PAK1: variants seen among roughly 807,000 people sequenced by gnomAD.
The protein encoded by PAK1 is p21 (RAC1) activated kinase 1, also known as serine/threonine-protein kinase PAK 1.
In PAK1, 29 loss-of-function variants were observed where a neutral mutation model predicts 67.4. The ratio of observed to expected loss-of-function variants is 0.43; its 90% CI spans 0.32 to 0.59. The LOEUF is 0.59. Ranked by LOEUF, PAK1 falls within the 20% of genes least tolerant of loss-of-function variation. PAK1 has a pLI of 0.07. For synonymous variants in PAK1, 223 were observed against 237.4 expected (o/e 0.94, Z 0.56); for missense variants, 337 against 670.7 (o/e 0.50, Z 5.50).
chr11:77,408,710 G>A (rs1592341225), intron 1 of PAK1, among the ~76,000 whole-genome samples: 1 of 152,212 alleles, frequency 6.6e-6, no homozygotes, highest in Middle Eastern at 3.4e-3. Flanking sequence ...CACAAAATGG[G>A]AGAAAATATT....
rs566874549 is a variant in PAK1, at chr11:77,429,056, T to TAAAAAAAAAAAAAAAAAAA, written c.-21-36534_-21-36516dup. Among the ~76,000 whole-genome samples, 28 of 48,992 alleles carry TAAAAAAAAAAAAAAAAAAA rather than the reference T, an allele frequency of 5.7e-4. 3 individuals carry two copies. Among genetic ancestry groups the TAAAAAAAAAAAAAAAAAAA allele is most frequent in the East Asian group, 2.5e-3 (3 of 1,206 alleles). 32.1% of individuals were successfully genotyped at this position (48,992 alleles called of 152,430 possible). On this transcript the variant is annotated intron_variant, in intron 1 of 14. Transcript: ENST00000356341. The stretch of plus-strand genomic sequence containing the variant: ...TTGGATTCTAAATGCCATTTAATAC[T>TAAAAAAAAAAAAAAAAAAA]AAAAAAAAAAAAAAAAAAAAAAAAA...
At chr11:77,336,421 T>C (rs1369061074) in intron 12 of PAK1, 139 bp from the exon 13 acceptor site, 2 of 540,792 alleles carry the variant, frequency 3.7e-6, no homozygotes, top group African/African-American at 1.9e-5. Context: ...CCAAAGTCAC[T>C]TGACTACCAC....
the PAK1 span, among the ~76,000 whole-genome samples, chr11:77,495,983 A>G: frequency 1.3e-5 from 2 of 152,020 alleles, no homozygotes; most frequent in African/African-American, 4.8e-5. Context: ...TAGTTGCACA[A>G]CAATGTGCAT....
chr11:77,476,544 G>A (rs928844889), upstream of PAK1: 2 of 152,234 alleles, frequency 1.3e-5, no homozygotes, highest in Non-Finnish European at 2.9e-5. Flanking sequence ...CCAGCTTTTG[G>A]GAGCAGACTG....
chr11:77,370,039 G>A (rs946215894), intron 5 of PAK1, among the ~76,000 whole-genome samples: 1 of 152,132 alleles, frequency 6.6e-6, no homozygotes, highest in Non-Finnish European at 1.5e-5. Context: ...TAGTTTTTCT[G>A]AAACTTATGT....
At chr11:77,438,500 T>C (rs993188857) in intron 1 of PAK1, among the ~76,000 whole-genome samples, 1 of 152,228 alleles carries the variant, frequency 6.6e-6, no homozygotes, top group African/African-American at 2.4e-5. Flanking sequence ...TGTTTGTGGA[T>C]GGAGCCCTTT....
the PAK1 span, among the ~76,000 whole-genome samples, chr11:77,481,470 G>C: frequency 6.6e-6 from 1 of 151,930 alleles, no homozygotes; most frequent in Middle Eastern, 3.4e-3. Context: ...AGGTCAATAG[G>C]TCGAGACCAT....
intron 14 of PAK1, among the ~76,000 whole-genome samples, chr11:77,324,881 T>C (rs952071163): frequency 1.3e-5 from 2 of 152,066 alleles, no homozygotes; most frequent in Non-Finnish European, 2.9e-5. Context: ...GGGACAGAGA[T>C]AGTATAAAGA....
At chr11:77,527,417 A>G in the PAK1 span, among the ~76,000 whole-genome samples, 281 of 152,270 alleles carry the variant, frequency 1.8e-3, 2 homozygotes, top group African/African-American at 6.4e-3. Flanking sequence ...TCATTAATTT[A>G]TAGAGCATTT....
intron 10 of PAK1, among the ~76,000 whole-genome samples, chr11:77,341,733 C>G (rs1465234704): frequency 2.0e-5 from 3 of 152,198 alleles, no homozygotes; most frequent in African/African-American, 7.2e-5. Context: ...TTGGCTTGAA[C>G]TGTGTGGTAT....
At position 77,332,774 on chromosome 11, in the gene PAK1, C is replaced by T. The variant is rs371644543; in HGVS notation, c.1507G>A (p.Glu503Lys). The T allele has an allele frequency of 8.7e-6, 14 of 1,613,694 alleles. No individual in the cohort carries two copies. The highest frequency in any genetic ancestry group is 2.7e-5 in the African/African-American group (2 of 74,876). Residue 503 changes from glutamate (E) to lysine (K), a missense_variant, in exon 14 of 15, where the codon GAG becomes AAG. Around this residue, in one of 8 missense-constraint regions of PAK1, gnomAD observed 71 missense variants for 160.5 expected, o/e 0.44. Transcript: ENST00000356341. ...GAACCTCTCTTCTCCACATCCATCT[C>T]GAGACAGCGGTTCAGAAAGTCCCGG... ...IFRDFLNRCL[E>K]MDVEKRGSAK...
chr11:77,424,572 C>T (rs557127456), intron 1 of PAK1, among the ~76,000 whole-genome samples: 1 of 152,360 alleles, frequency 6.6e-6, no homozygotes, highest in South Asian at 2.1e-4. Context: ...TACACTCCAG[C>T]ATTAAATTCT....
At chr11:77,330,481 C>T (rs1186194613) in intron 14 of PAK1, among the ~76,000 whole-genome samples, 1 of 152,158 alleles carries the variant, frequency 6.6e-6, no homozygotes, top group Non-Finnish European at 1.5e-5. Context: ...AATAACGCCG[C>T]ATATCTACAA....
the PAK1 span, among the ~76,000 whole-genome samples, chr11:77,503,425 A>G: frequency 6.6e-6 from 1 of 152,264 alleles, no homozygotes; most frequent in South Asian, 2.1e-4. Flanking sequence ...TGGCGGTTCA[A>G]GTGCAAGGCA....
the PAK1 span, among the ~76,000 whole-genome samples, chr11:77,524,593 G>C: frequency 6.6e-6 from 1 of 152,224 alleles, no homozygotes; most frequent in Non-Finnish European, 1.5e-5. Context: ...GGTTGGAGGA[G>C]AGAAGGGCAC....
the PAK1 span, among the ~76,000 whole-genome samples, chr11:77,496,476 A>C: frequency 6.6e-6 from 1 of 151,696 alleles, no homozygotes; most frequent in Non-Finnish European, 1.5e-5. Flanking sequence ...ATACAAAAAA[A>C]TTTGCCAGCG....
At chr11:77,413,423 T>A (rs957010895) in intron 1 of PAK1, among the ~76,000 whole-genome samples, 2 of 152,144 alleles carry the variant, frequency 1.3e-5, no homozygotes, top group Non-Finnish European at 2.9e-5. Context: ...CAGAATACGA[T>A]GGTGAAAGAA....
chr11:77,377,469 T>C (rs1310832174), intron 4 of PAK1, among the ~76,000 whole-genome samples: 7 of 152,154 alleles, frequency 4.6e-5, no homozygotes, highest in Non-Finnish European at 2.9e-5. Flanking sequence ...AATTTATACA[T>C]ACAAAAGTAG....
chr11:77,480,657 G>A, the PAK1 span, among the ~76,000 whole-genome samples: 1 of 151,904 alleles, frequency 6.6e-6, no homozygotes, highest in African/African-American at 2.4e-5. Context: ...CCGAATAGCT[G>A]GGATTACAGG....
Sources: gnomAD v4.1 joint callset for allele counts (sites outside exome capture counted in the v4.1 genomes callset) on GRCh38, gnomAD v4.1.1 for gene constraint, gnomAD v4.1.1 regional missense constraint, MANE v1.5 for transcripts, NCBI Gene and HGNC (gene_info 2026-07-23, HGNC 2026-07-21) for gene names.